SMARCA5: variants seen among roughly 807,000 people sequenced by gnomAD.
SMARCA5 encodes the protein SWI/SNF-related matrix-associated actin-dependent regulator of chromatin subfamily A member 5.
In SMARCA5, 18 loss-of-function variants were observed where a neutral mutation model predicts 140.4. That is an observed-to-expected ratio of 0.13 (90% confidence interval 0.09 to 0.19). The LOEUF is 0.19. SMARCA5 is among the 10% of genes least tolerant of loss of function. The pLI, the probability that SMARCA5 is intolerant of heterozygous loss-of-function variation, is 1.00. For missense variants in SMARCA5, 606 were observed against 1,276.8 expected (o/e 0.47, Z 8.01); for synonymous variants, 449 against 419.6 (o/e 1.07, Z -0.86).
At chr4:143,522,252 G>A (rs904726178) in intron 3 of SMARCA5, among the ~76,000 whole-genome samples, 6 of 152,174 alleles carry the variant, frequency 3.9e-5, no homozygotes, top group Admixed American at 1.3e-4. Flanking sequence ...GAAGTGTCAC[G>A]TTGTATGCCG....
chr4:143,534,351 A>G (rs1362724353), intron 9 of SMARCA5, among the ~76,000 whole-genome samples: 1 of 152,154 alleles, frequency 6.6e-6, no homozygotes, highest in Non-Finnish European at 1.5e-5. Flanking sequence ...AATTATATAC[A>G]GTTAGCCCTT....
Position 143,525,485 on chromosome 4 carries a change from C to G in SMARCA5, c.555C>G (p.Val185=). The G allele has an allele frequency of 6.2e-7, 1 of 1,613,238 alleles. No individual in the cohort carries two copies. Among genetic ancestry groups the G allele is most frequent in the East Asian group, 2.2e-5 (1 of 44,828 alleles). ...GGGGTAAACTGAGAGATTATCAGGT[C>G]CGAGGATTAAACTGGCTCATTTCTT... ...VKWGKLRDYQ[V]RGLNWLISLY... The change falls in exon 5 of 24, where the codon GTC becomes GTG. Residue 185 remains valine, a synonymous_variant. Transcript: ENST00000283131.
At chr4:143,548,251 A>T in intron 22 of SMARCA5, 111 bp downstream of exon 22, 1 of 607,144 alleles carries the variant, frequency 1.6e-6, no homozygotes, top group East Asian at 2.7e-5. Flanking sequence ...TTTTGTTACA[A>T]TATTGTTAGT....
intron 11 of SMARCA5, among the ~76,000 whole-genome samples, chr4:143,538,088 A>C (rs1358830509): frequency 6.6e-6 from 1 of 152,170 alleles, no homozygotes; most frequent in Non-Finnish European, 1.5e-5. Context: ...TGCCTAAAGA[A>C]GTGGAAGGCA....
At position 143,546,017 on chromosome 4, in the gene SMARCA5, G is replaced by A; in HGVS notation, c.2490G>A (p.Glu830=). Reference sequence around the variant, plus strand: ...AAGCTGAATCCCTTAATGATGAAGAGTTAGAGGAAAAAGAGAAGCTTCTAA... The same window carrying A: ...AAGCTGAATCCCTTAATGATGAAGAATTAGAGGAAAAAGAGAAGCTTCTAA... ...IDEAESLNDE[E]LEEKEKLLTQ... The change falls in exon 19 of 24, where the codon GAG becomes GAA. Residue 830 remains glutamate (E), a synonymous_variant. Transcript: ENST00000283131. 6.2e-7 allele frequency: 1 copy of A among 1,605,822 alleles called. No homozygotes were observed. The highest frequency in any genetic ancestry group is 8.5e-7 in the Non-Finnish European group (1 of 1,176,980).
intron 3 of SMARCA5, among the ~76,000 whole-genome samples, 171 bp downstream of exon 3, chr4:143,521,766 C>T (rs779964501): frequency 5.3e-5 from 8 of 151,628 alleles, no homozygotes; most frequent in Middle Eastern, 3.2e-3. Context: ...TATAAAAATA[C>T]GCATAATGGT....
intron 22 of SMARCA5, among the ~76,000 whole-genome samples, chr4:143,548,583 G>A (rs1418728382): frequency 6.6e-6 from 1 of 152,018 alleles, no homozygotes; most frequent in Non-Finnish European, 1.5e-5. Flanking sequence ...TTTAGTGCTA[G>A]GTTTTGTTTT....
rs1294300997 is a variant in SMARCA5, at chr4:143,553,782, GC to G, written c.*601del. 6 of 151,938 alleles carry G rather than the reference GC, an allele frequency of 3.9e-5. No homozygotes were observed. Among genetic ancestry groups the G allele is most frequent in the Non-Finnish European group, 5.9e-5 (4 of 67,926 alleles). The allele number at this position is 151,938 out of a possible 1,614,324, so 9.4% of individuals were successfully genotyped here. A position where few individuals can be genotyped will look rare whatever the true frequency, so the allele number is the denominator to read the frequency against. On this transcript the variant is annotated 3_prime_UTR_variant, in exon 24 of 24. Coordinates refer to ENST00000283131, the MANE Select transcript of SMARCA5 (RefSeq NM_003601.4). Reference sequence around the variant, plus strand: ...TTTTAGTTGATTCTGAAATGAATATGCCCTATTCTTTTGAAAGAATGGCCTT... The same window carrying G: ...TTTTAGTTGATTCTGAAATGAATATGCCTATTCTTTTGAAAGAATGGCCTT...
chr4:143,535,037 A>G, intron 10 of SMARCA5, 73 bp downstream of exon 10: 1 of 1,058,338 alleles, frequency 9.4e-7, no homozygotes, highest in Non-Finnish European at 1.4e-6. Flanking sequence ...TGTTTTCCTA[A>G]TTTGTGTCTT....
intron 2 of SMARCA5, among the ~76,000 whole-genome samples, chr4:143,520,398 C>G (rs1250144842): frequency 6.6e-6 from 1 of 152,166 alleles, no homozygotes; most frequent in African/African-American, 2.4e-5. Flanking sequence ...AGTCTTGTTA[C>G]TGTGCAGATT....
rs535143398 is a variant in SMARCA5, at chr4:143,556,054, A to G, written c.*2870A>G. 1.3e-5 allele frequency: 2 copies of G among 152,360 alleles called. No homozygotes were observed. Among genetic ancestry groups the G allele is most frequent in the South Asian group, 4.1e-4 (2 of 4,828 alleles). The allele number at this position is 152,360 out of a possible 1,614,324, so 9.4% of individuals were successfully genotyped here. A position where few individuals can be genotyped will look rare whatever the true frequency, so the allele number is the denominator to read the frequency against. ...GTACAAGTTGAGCATCCCTAATCAA[A>G]AAATCTAAAATCAGAAATGCTCCAT... On this transcript the variant is annotated 3_prime_UTR_variant, in exon 24 of 24. Coordinates refer to ENST00000283131, the MANE Select transcript of SMARCA5 (RefSeq NM_003601.4).
rs899703427 is a variant in SMARCA5 at position 143,521,443 on chromosome 4, A to G, written c.267A>G (p.Ala89=). 4 of 1,605,632 alleles carry G rather than the reference A, an allele frequency of 2.5e-6. No individual in the cohort carries two copies. The highest frequency in any genetic ancestry group is 3.4e-5 in the Admixed American group (2 of 58,858). ...TTTTTTTTCAGCAAACTGACCGGGCAAATAGATTCGAGTATTTATTAAAGC... is the reference window on the plus strand; with the variant it reads ...TTTTTTTTCAGCAAACTGACCGGGCGAATAGATTCGAGTATTTATTAAAGC... ...TYEEKMQTDR[A]NRFEYLLKQT... Residue 89 remains alanine, a synonymous_variant, in exon 3 of 24, where the codon GCA becomes GCG. Coordinates refer to ENST00000283131, the MANE Select transcript of SMARCA5 (RefSeq NM_003601.4).
In SMARCA5 at chr4:143,543,486, T is replaced by A. The variant is rs770291763; in HGVS notation, c.1904-23T>A. 4 of 1,606,936 alleles carry A rather than the reference T, an allele frequency of 2.5e-6. No homozygotes were observed. In the East Asian group the frequency reaches 8.9e-5, roughly 36 times the overall value. On this transcript the variant is annotated intron_variant, in intron 14 of 23. Coordinates refer to ENST00000283131, the MANE Select transcript of SMARCA5 (RefSeq NM_003601.4). ...AAAATAAAGTCTGTTCAGTTAACAT[T>A]ATACAACACAATCTTTTTTCAGGGA...
At chr4:143,514,443 A>C in intron 1 of SMARCA5, 2 of 227,706 alleles carry the variant, frequency 8.8e-6, no homozygotes, top group Non-Finnish European at 8.6e-6. Flanking sequence ...TCCCTCTCCT[A>C]CCTCTGAATG....
intron 13 of SMARCA5, 76 bp downstream of exon 13, chr4:143,539,014 A>G: frequency 3.9e-6 from 5 of 1,281,332 alleles, no homozygotes; most frequent in Non-Finnish European, 5.5e-6. Flanking sequence ...TACAAATATC[A>G]GTGACTTAAC....
intron 23 of SMARCA5, 134 bp from the exon 24 acceptor site, chr4:143,552,985 A>G: frequency 1.6e-6 from 1 of 628,072 alleles, no homozygotes. Flanking sequence ...TGAAAGATTT[A>G]TATAGCCTGG....
In SMARCA5 at chr4:143,555,230, A is replaced by C; in HGVS notation, c.*2046A>C. 1 of 845,446 alleles carries C rather than the reference A, an allele frequency of 1.2e-6. No individual in the cohort carries two copies. Among genetic ancestry groups the C allele is most frequent in the Non-Finnish European group, 2.0e-6 (1 of 500,340 alleles). The allele number at this position is 845,446 out of a possible 1,614,324, so 52.4% of individuals were successfully genotyped here. A position where few individuals can be genotyped will look rare whatever the true frequency, so the allele number is the denominator to read the frequency against. On this transcript the variant is annotated 3_prime_UTR_variant, in exon 24 of 24. Transcript: ENST00000283131. The stretch of plus-strand genomic sequence containing the variant: ...ATAGGGCCCAGAGCTTCTGCCTCCA[A>C]AGTTTCCTCCCTTCATGGGTCCAAA...
chr4:143,515,984 A>G (rs1560809580), intron 1 of SMARCA5, among the ~76,000 whole-genome samples: 1 of 144,186 alleles, frequency 6.9e-6, no homozygotes, highest in African/African-American at 2.5e-5. Context: ...TTATAGTGTG[A>G]TTTTTTTTTT....
rs1737774435 is a variant in SMARCA5, at chr4:143,557,089, T to C, written c.*3905T>C. Reference sequence around the variant, plus strand: ...TTCCCTTGTGTCCGGAGAGATTCCCTAGCTCTAATGACAGCTTTTTTGGGG... The same window carrying C: ...TTCCCTTGTGTCCGGAGAGATTCCCCAGCTCTAATGACAGCTTTTTTGGGG... On this transcript the variant is annotated 3_prime_UTR_variant, in exon 24 of 24. Transcript: ENST00000283131. 1 of 152,220 alleles carries C rather than the reference T, an allele frequency of 6.6e-6. No homozygotes were observed. The highest frequency in any genetic ancestry group is 1.5e-5 in the Non-Finnish European group (1 of 68,054). 9.4% of individuals were successfully genotyped at this position (152,220 alleles called of 1,614,324 possible).
Sources: allele counts gnomAD v4.1 joint callset (sites outside exome capture counted in the v4.1 genomes callset), GRCh38; gene constraint gnomAD v4.1.1; transcripts MANE v1.5; gene names NCBI Gene and HGNC (gene_info 2026-07-23, HGNC 2026-07-21).